NRXN1: variants seen among roughly 807,000 people sequenced by gnomAD.
NRXN1 encodes the protein neurexin 1.
NRXN1 carries 39 observed loss-of-function variants against 150.9 expected under a neutral mutation model. That is an observed-to-expected ratio of 0.26 (90% CI 0.20 to 0.34). NRXN1 has a LOEUF of 0.34. NRXN1 is among the 10% of genes least tolerant of loss of function. The pLI is 1.00. For synonymous variants in NRXN1, 924 were observed against 757.0 expected (o/e 1.22, Z -3.62); for missense variants, 1,815 against 1,949.9 (o/e 0.93, Z 1.30).
intron 5 of NRXN1, among the ~76,000 whole-genome samples, chr2:50,879,635 G>T (rs1251439909): frequency 6.6e-6 from 1 of 151,874 alleles, no homozygotes; most frequent in African/African-American, 2.4e-5. Context: ...GGTGGGGGCA[G>T]CAGGTGGTAC....
chr2:50,152,274 T>C (rs746801735), intron 18 of NRXN1, among the ~76,000 whole-genome samples: 14 of 151,836 alleles, frequency 9.2e-5, no homozygotes, highest in Non-Finnish European at 1.3e-4. Flanking sequence ...CTAGGTACAT[T>C]ATATAAGTAG....
chr2:50,884,739 A>G (rs1679961021), intron 5 of NRXN1, among the ~76,000 whole-genome samples: 1 of 151,642 alleles, frequency 6.6e-6, no homozygotes, highest in Admixed American at 6.6e-5. Flanking sequence ...ACTCTGCTTT[A>G]AACTAAGTTG....
At chr2:50,502,960 A>T (rs2092025143) in intron 13 of NRXN1, among the ~76,000 whole-genome samples, 1 of 152,136 alleles carries the variant, frequency 6.6e-6, no homozygotes, top group South Asian at 2.1e-4. Flanking sequence ...GGCTAATTCT[A>T]GGGGCGAAGT....
chr2:50,570,420 A>C (rs1288456167), intron 8 of NRXN1, among the ~76,000 whole-genome samples: 1 of 152,150 alleles, frequency 6.6e-6, no homozygotes, highest in African/African-American at 2.4e-5. Context: ...TTTAGAATTA[A>C]TTTCTTATAA....
intron 17 of NRXN1, among the ~76,000 whole-genome samples, chr2:50,241,711 C>G (rs2066014266): frequency 6.6e-6 from 1 of 151,742 alleles, no homozygotes; most frequent in Non-Finnish European, 1.5e-5. Flanking sequence ...GTTTAAACTG[C>G]CTGTGATGTT....
intron 21 of NRXN1, among the ~76,000 whole-genome samples, chr2:49,944,006 G>T (rs1463402491): frequency 6.6e-6 from 1 of 152,210 alleles, no homozygotes; most frequent in Non-Finnish European, 1.5e-5. Context: ...TGAGGACGCA[G>T]AAATGGTGAC....
rs1668243745 is a variant in NRXN1 at position 49,921,786 on chromosome 2, G to A, written c.*158C>T. 5.3e-6 allele frequency: 4 copies of A among 753,340 alleles called. No homozygotes were observed. The highest frequency in any genetic ancestry group is 8.3e-6 in the Non-Finnish European group (4 of 480,194). The allele number at this position is 753,340 out of a possible 1,614,324, so 46.7% of individuals were successfully genotyped here. On this transcript the variant is annotated 3_prime_UTR_variant, in exon 23 of 23. Transcript: ENST00000401669. Reference sequence around the variant, plus strand: ...TCTTTTTTGAGAAACAAGAGCATGAGATACTTGTTTTTATTTTTTAAAAAG... The same window carrying A: ...TCTTTTTTGAGAAACAAGAGCATGAAATACTTGTTTTTATTTTTTAAAAAG...
At chr2:50,363,436 T>C (rs1190388568) in intron 17 of NRXN1, among the ~76,000 whole-genome samples, 2 of 152,112 alleles carry the variant, frequency 1.3e-5, no homozygotes, top group African/African-American at 2.4e-5. Flanking sequence ...GCAAAGGATA[T>C]GAACAGACAC....
At position 50,521,979 on chromosome 2, in the gene NRXN1, C is replaced by T. The variant is rs182619717; in HGVS notation, c.2374+6646G>A. 3.3e-5 allele frequency among the ~76,000 whole-genome samples: 5 copies of T among 151,194 alleles called. No individual in the cohort carries two copies. In the East Asian group the frequency reaches 9.7e-4, roughly 29 times the overall value. ...CACTAGATTCTCTTTCTAGAAAAGT[C>T]GAATATACAACATATAGAGAGTATA... is the stretch of plus-strand genomic sequence containing the variant. On this transcript the variant is annotated intron_variant, in intron 12 of 22. Coordinates refer to ENST00000401669, the MANE Select transcript of NRXN1 (RefSeq NM_001330078.2).
At chr2:50,186,235 T>C (rs908074552) in intron 18 of NRXN1, among the ~76,000 whole-genome samples, 2 of 152,072 alleles carry the variant, frequency 1.3e-5, no homozygotes, top group South Asian at 4.1e-4. Context: ...AAATGTATAC[T>C]ACGCTCAACT....
intron 17 of NRXN1, among the ~76,000 whole-genome samples, chr2:50,265,231 G>C (rs995985573): frequency 6.6e-6 from 1 of 151,946 alleles, no homozygotes; most frequent in African/African-American, 2.4e-5. Context: ...AAAAAGTCTT[G>C]GGCAAGGACA....
At chr2:49,959,327 G>A (rs546456034) in intron 21 of NRXN1, among the ~76,000 whole-genome samples, 1 of 152,130 alleles carries the variant, frequency 6.6e-6, no homozygotes, top group African/African-American at 2.4e-5. Context: ...TGAAAAACTC[G>A]AAGGTACACT....
intron 18 of NRXN1, among the ~76,000 whole-genome samples, chr2:50,142,565 C>T (rs1707432897): frequency 6.6e-6 from 1 of 151,508 alleles, no homozygotes; most frequent in Non-Finnish European, 1.5e-5. Context: ...AACAAAATAT[C>T]ACATGTACCC....
intron 2 of NRXN1, among the ~76,000 whole-genome samples, chr2:51,008,260 T>C (rs1376489422): frequency 6.6e-6 from 1 of 151,944 alleles, no homozygotes; most frequent in African/African-American, 2.4e-5. Context: ...AATGCTATTA[T>C]ACTATCTAAA....
chr2:50,781,299 C>A (rs1395806185), intron 5 of NRXN1, among the ~76,000 whole-genome samples: 4 of 151,702 alleles, frequency 2.6e-5, no homozygotes, highest in Admixed American at 2.6e-4. Context: ...AGAATATATG[C>A]ATGGAGGGAA....
At chr2:50,678,935 G>C (rs1689945408) in intron 5 of NRXN1, among the ~76,000 whole-genome samples, 1 of 152,016 alleles carries the variant, frequency 6.6e-6, no homozygotes, top group South Asian at 2.1e-4. Context: ...TGAGACTATG[G>C]ACTGCACAGT....
intron 17 of NRXN1, among the ~76,000 whole-genome samples, chr2:50,367,939 TAAAC>T (rs1476697082): frequency 6.6e-6 from 1 of 152,032 alleles, no homozygotes; most frequent in Non-Finnish European, 1.5e-5. Context: ...CCTGTCTATC[TAAAC>T]AGTTTCAACT....
At chr2:50,541,028 C>T (rs1273631055) in intron 9 of NRXN1, among the ~76,000 whole-genome samples, 1 of 152,032 alleles carries the variant, frequency 6.6e-6, no homozygotes, top group Non-Finnish European at 1.5e-5. Flanking sequence ...TTCAATAAGG[C>T]CTCCTAAAAG....
chr2:50,396,189 T>A (rs2082040262), intron 17 of NRXN1, among the ~76,000 whole-genome samples: 2 of 152,150 alleles, frequency 1.3e-5, no homozygotes, highest in South Asian at 4.1e-4. Context: ...CAGGCAGAAC[T>A]GCCAAAATCT....
Sources: allele counts gnomAD v4.1 joint callset (sites outside exome capture counted in the v4.1 genomes callset), GRCh38; gene constraint gnomAD v4.1.1; transcripts MANE v1.5; gene names NCBI Gene and HGNC (gene_info 2026-07-23, HGNC 2026-07-21).